NRXN1: variants seen among roughly 807,000 people sequenced by gnomAD.
NRXN1 encodes neurexin 1.
NRXN1 carries 39 observed loss-of-function variants against 150.9 expected under a neutral mutation model. That is an observed-to-expected ratio of 0.26 (90% CI 0.20 to 0.34). The LOEUF (loss-of-function observed/expected upper bound fraction) is 0.34. NRXN1 is among the 10% of genes least tolerant of loss of function. NRXN1 has a pLI of 1.00. For missense variants in NRXN1, 1,815 were observed against 1,949.9 expected, an observed-to-expected ratio of 0.93 and a Z score of 1.30; for synonymous variants, 924 against 757.0, an observed-to-expected ratio of 1.22 and a Z score of -3.62.
intron 17 of NRXN1, among the ~76,000 whole-genome samples, chr2:50,461,994 G>T (rs1209492577): frequency 6.6e-6 from 1 of 151,948 alleles, no homozygotes; most frequent in Non-Finnish European, 1.5e-5. Flanking sequence ...ACAAGGTTCT[G>T]CAACAGATAA....
intron 21 of NRXN1, among the ~76,000 whole-genome samples, chr2:49,973,593 TA>T (rs1678349790): frequency 6.6e-6 from 1 of 151,322 alleles, no homozygotes; most frequent in Non-Finnish European, 1.5e-5. Flanking sequence ...TGAACTAAGT[TA>T]ATACATATAT....
rs71404969 is a variant in NRXN1 at position 50,610,642 on chromosome 2, C to CATATATATATATATATATATATAT, written c.1320+9356_1320+9379dup. ...GCCTGGCACATACTATAAATAGATA[C>CATATATATATATATATATATATAT]ATATATATATATATATATATATATA... On this transcript the variant is annotated intron_variant, in intron 8 of 22. Coordinates refer to ENST00000401669, the MANE Select transcript of NRXN1 (RefSeq NM_001330078.2). Among the ~76,000 whole-genome samples, 107 of 42,846 alleles carry CATATATATATATATATATATATAT rather than the reference C, an allele frequency of 2.5e-3. 6 individuals are homozygous for CATATATATATATATATATATATAT. Among genetic ancestry groups the CATATATATATATATATATATATAT allele is most frequent in the East Asian group, 4.0e-3 (6 of 1,494 alleles). 28.1% of individuals were successfully genotyped at this position (42,846 alleles called of 152,430 possible).
intron 5 of NRXN1, among the ~76,000 whole-genome samples, chr2:50,653,164 CAT>C: frequency 6.6e-6 from 1 of 152,062 alleles, no homozygotes; most frequent in East Asian, 1.9e-4. Context: ...TTACTGATAC[CAT>C]ATGTTAAAAG....
intron 12 of NRXN1, among the ~76,000 whole-genome samples, chr2:50,508,160 A>T (rs866517707): frequency 1.3e-5 from 2 of 152,192 alleles, no homozygotes; most frequent in Non-Finnish European, 2.9e-5. Flanking sequence ...CAAGTGTTGT[A>T]TCCTTGGCTG....
At chr2:50,357,243 G>T (rs1182909933) in intron 17 of NRXN1, among the ~76,000 whole-genome samples, 2 of 151,904 alleles carry the variant, frequency 1.3e-5, no homozygotes, top group East Asian at 3.9e-4. Flanking sequence ...TCCAGCCTGG[G>T]TGACAGAGAG....
At chr2:50,367,917 C>T (rs773649684) in intron 17 of NRXN1, among the ~76,000 whole-genome samples, 1 of 151,970 alleles carries the variant, frequency 6.6e-6, no homozygotes, top group Non-Finnish European at 1.5e-5. Flanking sequence ...GTTTGATGTA[C>T]ACATACAATT....
At chr2:50,986,364 A>G (rs1480498888) in intron 2 of NRXN1, among the ~76,000 whole-genome samples, 3 of 151,784 alleles carry the variant, frequency 2.0e-5, no homozygotes, top group Admixed American at 6.6e-5. Flanking sequence ...TGTGAGTTAA[A>G]TATGGACAAA....
At chr2:50,028,030 T>C (rs1443240117) in intron 21 of NRXN1, among the ~76,000 whole-genome samples, 2 of 151,958 alleles carry the variant, frequency 1.3e-5, no homozygotes. Context: ...GAGCACAGGT[T>C]AAATGCAAAG....
At chr2:50,195,192 T>C (rs2061679729) in intron 18 of NRXN1, among the ~76,000 whole-genome samples, 1 of 152,188 alleles carries the variant, frequency 6.6e-6, no homozygotes, top group Non-Finnish European at 1.5e-5. Flanking sequence ...TCTATAAATA[T>C]GCAGAGAATG....
intron 5 of NRXN1, among the ~76,000 whole-genome samples, chr2:50,665,047 T>A (rs187350951): frequency 1.3e-5 from 2 of 152,100 alleles, no homozygotes; most frequent in Non-Finnish European, 1.5e-5. Flanking sequence ...TCTCTTAACA[T>A]AATATGGTTG....
intron 5 of NRXN1, among the ~76,000 whole-genome samples, chr2:50,900,816 G>A (rs1441603552): frequency 6.6e-6 from 1 of 152,118 alleles, no homozygotes; most frequent in African/African-American, 2.4e-5. Context: ...ATGATGTAAT[G>A]CAAGAACGAG....
intron 5 of NRXN1, among the ~76,000 whole-genome samples, chr2:50,661,935 G>C (rs1687361117): frequency 6.6e-6 from 1 of 151,962 alleles, no homozygotes; most frequent in Non-Finnish European, 1.5e-5. Flanking sequence ...GGAATTGTTT[G>C]GTCTGTCCAT....
At chr2:50,673,183 G>C (rs1689092703) in intron 5 of NRXN1, among the ~76,000 whole-genome samples, 1 of 151,974 alleles carries the variant, frequency 6.6e-6, no homozygotes, top group Admixed American at 6.6e-5. Flanking sequence ...AAGGATATAT[G>C]TGTAAAAATG....
At chr2:50,984,757 G>A (rs1172076960) in intron 2 of NRXN1, among the ~76,000 whole-genome samples, 1 of 152,076 alleles carries the variant, frequency 6.6e-6, no homozygotes, top group Non-Finnish European at 1.5e-5. Context: ...ATGTAGTTAT[G>A]AAGAAAGAGG....
intron 5 of NRXN1, among the ~76,000 whole-genome samples, chr2:50,896,988 A>G (rs1467997024): frequency 1.3e-5 from 2 of 152,234 alleles, no homozygotes; most frequent in Non-Finnish European, 2.9e-5. Context: ...CAAAACTGCA[A>G]GAGGTCAGTG....
intron 21 of NRXN1, among the ~76,000 whole-genome samples, chr2:49,976,364 A>G (rs1678993208): frequency 1.3e-5 from 2 of 152,178 alleles, no homozygotes; most frequent in Middle Eastern, 3.4e-3. Flanking sequence ...GACATAAACT[A>G]TCAGTTAATA....
chr2:50,649,491 G>A (rs1392151167), intron 5 of NRXN1, among the ~76,000 whole-genome samples: 1 of 151,960 alleles, frequency 6.6e-6, no homozygotes, highest in Non-Finnish European at 1.5e-5. Flanking sequence ...TTAAGGTGAA[G>A]AGAATCAAAC....
intron 17 of NRXN1, among the ~76,000 whole-genome samples, chr2:50,384,481 G>C (rs1376208085): frequency 8.8e-6 from 1 of 113,904 alleles, no homozygotes; most frequent in African/African-American, 3.4e-5. Context: ...ACTTCAGCCT[G>C]AATGACAGAG....
rs1430309897 is a variant in NRXN1 at position 50,166,303 on chromosome 2, GTGTGTGTGTGTGTGTGTGTGTT to G, written c.3546+70464_3546+70485del. On this transcript the variant is annotated intron_variant, in intron 18 of 22. Transcript: ENST00000401669. Reference sequence around the variant, plus strand: ...TATGTGTGTGTGTGTGTGTGTGTGTGTGTGTGTGTGTGTGTGTGTGTTTGTGTGTGTGTGTGTGTTCAAGAAT... The same window carrying G: ...TATGTGTGTGTGTGTGTGTGTGTGTGTGTGTGTGTGTGTGTGTTCAAGAAT... Among the ~76,000 whole-genome samples the G allele has an allele frequency of 4.5e-3, 678 of 150,616 alleles. 6 individuals carry two copies. The highest frequency in any genetic ancestry group is 0.016 in the African/African-American group (642 of 40,726).
Sources: allele counts gnomAD v4.1 joint callset (sites outside exome capture counted in the v4.1 genomes callset), GRCh38; gene constraint gnomAD v4.1.1; transcripts MANE v1.5; gene names NCBI Gene and HGNC (gene_info 2026-07-23, HGNC 2026-07-21).